Variants in TTC13 observed in about 807,000 individuals in gnomAD.
TTC13 encodes tetratricopeptide repeat domain 13.
In TTC13, 62 loss-of-function variants were observed where a neutral mutation model predicts 120.0. The ratio of observed to expected loss-of-function variants is 0.52; its 90% CI spans 0.42 to 0.64. The LOEUF is 0.64. Among genes scored for constraint, TTC13 ranks in the 30% least tolerant of loss-of-function variants. The pLI is 0.00. For synonymous variants in TTC13, 384 were observed against 393.5 expected (o/e 0.98, Z 0.28); for missense variants, 824 against 1,050.2 (o/e 0.78, Z 2.98).
At position 230,916,317 on chromosome 1, in the gene TTC13, GA is replaced by G; in HGVS notation, c.1984-16del. The G allele has an allele frequency of 6.4e-7, 1 of 1,569,362 alleles. No homozygotes were observed. Among genetic ancestry groups the G allele is most frequent in the Non-Finnish European group, 8.8e-7 (1 of 1,139,326 alleles). On this transcript the variant is annotated splice_polypyrimidine_tract_variant and intron_variant, in intron 17 of 22. Transcript: ENST00000366661. ...GTATTAAACTGCTTTCAGGGAAAAA[GA>G]AAATTCACGTTACTAGTGTTTCATT...
intron 17 of TTC13, among the ~76,000 whole-genome samples, chr1:230,919,872 G>A (rs933507453): frequency 6.6e-6 from 1 of 152,188 alleles, no homozygotes; most frequent in African/African-American, 2.4e-5. Flanking sequence ...CGTTCCCACA[G>A]TAGCCACTCT....
Position 230,961,185 on chromosome 1 carries a change from A to G in TTC13, c.366+24T>C, listed in dbSNP as rs370197510. 1.4e-5 allele frequency: 22 copies of G among 1,592,228 alleles called. No homozygotes were observed. The East Asian group carries it at 2.7e-4, about 19-fold the overall frequency. ...TCACTGGGCTTCAGGTTACAAAAAC[A>G]GAACACAGAGAGAAGATGCATACCA... On this transcript the variant is annotated intron_variant, in intron 2 of 22. Coordinates refer to ENST00000366661, the MANE Select transcript of TTC13 (RefSeq NM_024525.5).
chr1:230,953,845 T>C (rs538701267), intron 4 of TTC13, among the ~76,000 whole-genome samples: 2 of 152,332 alleles, frequency 1.3e-5, no homozygotes, highest in South Asian at 2.1e-4. Flanking sequence ...GACCCAATAC[T>C]TCACTGAGGA....
chr1:230,931,965 G>T, intron 9 of TTC13, 88 bp from the exon 10 acceptor site: 1 of 1,317,430 alleles, frequency 7.6e-7, no homozygotes. Flanking sequence ...GGACCAATAT[G>T]TAAACAAGAT....
intron 11 of TTC13, among the ~76,000 whole-genome samples, chr1:230,930,698 T>A (rs1673463500): frequency 6.6e-6 from 1 of 152,164 alleles, no homozygotes; most frequent in African/African-American, 2.4e-5. Flanking sequence ...GGCAGGTGGA[T>A]CACGAGGTCA....
chr1:230,958,865 C>T (rs961503998), intron 2 of TTC13, among the ~76,000 whole-genome samples: 3 of 152,110 alleles, frequency 2.0e-5, no homozygotes, highest in Non-Finnish European at 4.4e-5. Flanking sequence ...TGGTGATGTA[C>T]ACTGATAGCC....
At chr1:230,947,299 A>AG (rs1675091178) in intron 4 of TTC13, among the ~76,000 whole-genome samples, 1 of 152,098 alleles carries the variant, frequency 6.6e-6, no homozygotes, top group African/African-American at 2.4e-5. Context: ...CAGGGGGAAA[A>AG]GGGGAGCAGG....
intron 1 of TTC13, among the ~76,000 whole-genome samples, chr1:230,976,957 A>G (rs903332458): frequency 2.0e-5 from 3 of 152,322 alleles, no homozygotes; most frequent in South Asian, 2.1e-4. Context: ...AGCAAAGGAG[A>G]AAGGGAAATT....
chr1:230,931,376 G>C lies in TTC13; in HGVS notation c.1222C>G (p.Gln408Glu), dbSNP rs1673543343. Reference sequence around the variant, plus strand: ...GGATCATTCAGCATAACTTTTGTTTGTGCTTTTATCCCTTCATAAAACTGT... The same window carrying C: ...GGATCATTCAGCATAACTTTTGTTTCTGCTTTTATCCCTTCATAAAACTGT... ...MGQFYEGIKA[Q>E]TKVMLNDPLP... The change falls in exon 11 of 23, where the codon CAA becomes GAA. Residue 408 changes from glutamine (Q) to glutamate (E), a missense_variant. Physicochemically the swap from Gln to Glu is conservative, Grantham distance 29. This residue lies in a region of TTC13 where 430 missense variants were observed against 626.8 expected (regional missense o/e 0.69). Coordinates refer to ENST00000366661, the MANE Select transcript of TTC13 (RefSeq NM_024525.5). 6.2e-7 allele frequency: 1 copy of C among 1,614,040 alleles called. No homozygotes were observed. The highest frequency in any genetic ancestry group is 1.3e-5 in the African/African-American group (1 of 74,936).
Position 230,921,526 on chromosome 1 carries a change from A to G in TTC13, c.1815-22T>C, listed in dbSNP as rs773755070. 4.8e-6 allele frequency: 6 copies of G among 1,252,602 alleles called. 1 individual carries two copies. In the South Asian group the frequency reaches 8.7e-5, roughly 18 times the overall value. 77.6% of individuals were successfully genotyped at this position (1,252,602 alleles called of 1,614,324 possible). On this transcript the variant is annotated intron_variant, in intron 15 of 22. Coordinates refer to ENST00000366661, the MANE Select transcript of TTC13 (RefSeq NM_024525.5). ...ACCCCTATAAGGCAAAAATAATAAA[A>G]TTAAGAATATTTTTATAGAAGAATA...
intron 2 of TTC13, among the ~76,000 whole-genome samples, chr1:230,960,796 G>A (rs1008104593): frequency 1.3e-5 from 2 of 152,170 alleles, no homozygotes; most frequent in East Asian, 1.9e-4. Flanking sequence ...ATAGGCAGAC[G>A]CAAACATTAG....
At chr1:230,971,393 G>A (rs1677733497) in intron 1 of TTC13, among the ~76,000 whole-genome samples, 2 of 148,982 alleles carry the variant, frequency 1.3e-5, no homozygotes, top group African/African-American at 2.5e-5. Context: ...ATCATATACT[G>A]CATTGCTCAA....
At chr1:230,932,468 C>T (rs1460631063) in intron 9 of TTC13, among the ~76,000 whole-genome samples, 1 of 152,006 alleles carries the variant, frequency 6.6e-6, no homozygotes, top group African/African-American at 2.4e-5. Context: ...GTTTAGAAAC[C>T]GGGTCTCACT....
At chr1:230,970,148 G>C (rs1333188752) in intron 1 of TTC13, among the ~76,000 whole-genome samples, 3 of 152,212 alleles carry the variant, frequency 2.0e-5, no homozygotes, top group Non-Finnish European at 4.4e-5. Flanking sequence ...AACTCCTTCT[G>C]CCAATGCTGG....
chr1:230,954,847 C>T (rs1675910224), intron 3 of TTC13, among the ~76,000 whole-genome samples: 1 of 152,204 alleles, frequency 6.6e-6, no homozygotes, highest in Non-Finnish European at 1.5e-5. Flanking sequence ...GCTGAATTTA[C>T]TGCCAATTAC....
chr1:230,963,671 T>TAAATAAATAAATAAATAAATAAAA (rs781569617), intron 1 of TTC13, among the ~76,000 whole-genome samples: 3 of 109,812 alleles, frequency 2.7e-5, no homozygotes, highest in Non-Finnish European at 4.1e-5. Flanking sequence ...AATAAATAAA[T>TAAATAAATAAATAAATAAATAAAA]AAAAGAAAAA....
At chr1:230,948,047 A>G (rs1675176139) in intron 4 of TTC13, among the ~76,000 whole-genome samples, 1 of 152,094 alleles carries the variant, frequency 6.6e-6, no homozygotes, top group Non-Finnish European at 1.5e-5. Context: ...CTTCCTATCT[A>G]TTCTCCAGAT....
chr1:230,924,228 G>C (rs932995588), intron 14 of TTC13, among the ~76,000 whole-genome samples: 2 of 152,232 alleles, frequency 1.3e-5, no homozygotes, highest in African/African-American at 4.8e-5. Context: ...CTGGTCCAGC[G>C]AAGTTCATTC....
intron 1 of TTC13, among the ~76,000 whole-genome samples, chr1:230,977,435 A>G (rs1329615890): frequency 2.0e-5 from 3 of 152,186 alleles, no homozygotes; most frequent in Non-Finnish European, 4.4e-5. Flanking sequence ...TCCACCGTGC[A>G]AGGCTGGCCG....
Sources: gnomAD v4.1 joint callset for allele counts (sites outside exome capture counted in the v4.1 genomes callset) on GRCh38, gnomAD v4.1.1 for gene constraint, gnomAD v4.1.1 regional missense constraint, MANE v1.5 for transcripts, NCBI Gene and HGNC (gene_info 2026-07-23, HGNC 2026-07-21) for gene names.